The following GGA2 variants were observed in gnomAD, a reference collection of about 807,000 sequenced individuals.
The protein encoded by GGA2 is ADP-ribosylation factor-binding protein GGA2.
GGA2 carries 48 observed loss-of-function variants against 79.5 expected under a neutral mutation model. That is an observed-to-expected ratio of 0.60 (90% confidence interval 0.48 to 0.77). The LOEUF is 0.77. GGA2 is among the 30% of genes least tolerant of loss of function. GGA2 has a pLI of 0.00. For synonymous variants in GGA2, 317 were observed against 302.0 expected, an observed-to-expected ratio of 1.05 and a Z score of -0.51; for missense variants, 770 against 774.0, an observed-to-expected ratio of 0.99 and a Z score of 0.06.
chr16:23,517,222 A>C (rs987628174), intron 2 of GGA2, among the ~76,000 whole-genome samples: 1 of 49,576 alleles, frequency 2.0e-5, no homozygotes, highest in Admixed American at 2.4e-4. Context: ...ATGCCCAGCT[A>C]ATTTTTTTCT....
chr16:23,509,963 G>T (rs974618005), intron 1 of GGA2, among the ~76,000 whole-genome samples: 2 of 151,808 alleles, frequency 1.3e-5, no homozygotes, highest in African/African-American at 2.4e-5. Flanking sequence ...AAGCCAGCTC[G>T]GGGTGGGAAT....
chr16:23,495,583 C>T (rs1964844459), intron 2 of GGA2, 111 bp downstream of exon 2: 4 of 538,814 alleles, frequency 7.4e-6, no homozygotes, highest in Non-Finnish European at 1.3e-5. Context: ...AGGCATGAGC[C>T]ACCGATCCTT....
intron 5 of GGA2, 128 bp downstream of exon 5, chr16:23,491,546 AAAC>A: frequency 3.4e-6 from 2 of 581,738 alleles, no homozygotes; most frequent in South Asian, 3.2e-5. Context: ...AAAAAAAAAA[AAAC>A]TCTACCTCAG....
intron 14 of GGA2, among the ~76,000 whole-genome samples, chr16:23,474,523 A>G (rs1964552202): frequency 6.6e-6 from 1 of 152,038 alleles, no homozygotes; most frequent in Non-Finnish European, 1.5e-5. Context: ...ATGTCCAGCT[A>G]ATGTTTGTAT....
chr16:23,521,744 C>G (rs1447907145), intron 1 of GGA2: 5 of 455,828 alleles, frequency 1.1e-5, no homozygotes, highest in Non-Finnish European at 2.2e-5. Context: ...TGTAGATATA[C>G]CAGAATCGAC....
At position 23,501,297 on chromosome 16, in the gene GGA2, T is replaced by C. The variant is rs1223686544; in HGVS notation, c.92-5519A>G. The C allele has an allele frequency of 6.6e-6, 3 of 456,728 alleles. No homozygotes were observed. In the East Asian group the frequency reaches 2.1e-4, roughly 32 times the overall value. The allele number at this position is 456,728 out of a possible 1,614,324, so 28.3% of individuals were successfully genotyped here. Reference sequence around the variant, plus strand: ...TGTCCTACTAATTGGAAAAAGATTGTCCTTGGAGCCATGCTTCTTGCCTCC... The same window carrying C: ...TGTCCTACTAATTGGAAAAAGATTGCCCTTGGAGCCATGCTTCTTGCCTCC... On this transcript the variant is annotated intron_variant, in intron 1 of 16. Coordinates refer to ENST00000309859, the MANE Select transcript of GGA2 (RefSeq NM_015044.4).
upstream of GGA2, among the ~76,000 whole-genome samples, chr16:23,515,270 G>A (rs975963297): frequency 6.6e-6 from 1 of 151,592 alleles, no homozygotes; most frequent in Non-Finnish European, 1.5e-5. Context: ...ATCAGCCTGG[G>A]CAACATAATG....
intron 11 of GGA2, 68 bp from the exon 12 acceptor site, chr16:23,478,979 C>A (rs1401656731): frequency 9.6e-7 from 1 of 1,043,394 alleles, no homozygotes; most frequent in Non-Finnish European, 1.5e-6. Context: ...AGAGTAATGC[C>A]ACACCCATCC....
chr16:23,492,618 CT>C, intron 4 of GGA2, among the ~76,000 whole-genome samples: 1 of 152,272 alleles, frequency 6.6e-6, no homozygotes, highest in Non-Finnish European at 1.5e-5. Flanking sequence ...CCACCAAGAC[CT>C]TGCCTATGTA....
At chr16:23,510,229 G>A in intron 1 of GGA2, 92 bp downstream of exon 1, 1 of 812,916 alleles carries the variant, frequency 1.2e-6, no homozygotes, top group Non-Finnish European at 1.7e-6. Context: ...CTCCCCTGCG[G>A]CCGCCCGCCC....
chr16:23,480,457 C>T (rs1964632628), intron 10 of GGA2, 188 bp downstream of exon 10: 5 of 534,490 alleles, frequency 9.4e-6, no homozygotes, highest in South Asian at 3.0e-5. Flanking sequence ...GGGTCCAGCC[C>T]GGCAACCAGC....
chr16:23,484,343 G>A (rs771498767), intron 8 of GGA2, among the ~76,000 whole-genome samples: 3 of 152,052 alleles, frequency 2.0e-5, no homozygotes, highest in African/African-American at 7.2e-5. Context: ...GCTCGAACCC[G>A]GGAGGCAGAA....
intron 1 of GGA2, among the ~76,000 whole-genome samples, chr16:23,509,525 G>C (rs1326284747): frequency 6.6e-6 from 1 of 152,130 alleles, no homozygotes; most frequent in African/African-American, 2.4e-5. Context: ...CCTGTGTTAT[G>C]CATCTCAGTG....
intron 14 of GGA2, among the ~76,000 whole-genome samples, chr16:23,472,200 T>G (rs1477291175): frequency 2.1e-5 from 3 of 143,028 alleles, no homozygotes; most frequent in Non-Finnish European, 4.6e-5. Context: ...TTTTTTTTTT[T>G]TTTTTTTTTT....
At chr16:23,493,516 T>A (rs781185289) in intron 3 of GGA2, 58 bp from the exon 4 acceptor site, 3 of 1,094,242 alleles carry the variant, frequency 2.7e-6, no homozygotes, top group Non-Finnish European at 4.2e-6. Context: ...CAGGCTCCCC[T>A]CCAGGCTGGT....
chr16:23,507,582 C>T (rs1465986802), intron 1 of GGA2, among the ~76,000 whole-genome samples: 3 of 145,798 alleles, frequency 2.1e-5, no homozygotes, highest in South Asian at 2.2e-4. Context: ...GAGCTGAGAT[C>T]GTGCCACTGT....
chr16:23,473,813 G>A (rs1338510219), intron 14 of GGA2, among the ~76,000 whole-genome samples: 3 of 152,092 alleles, frequency 2.0e-5, no homozygotes, highest in Admixed American at 2.0e-4. Context: ...TACAGTTATT[G>A]AATTCAGAAA....
chr16:23,473,418 C>T (rs1964539882), intron 14 of GGA2, among the ~76,000 whole-genome samples: 1 of 136,374 alleles, frequency 7.3e-6, no homozygotes, highest in South Asian at 2.5e-4. Flanking sequence ...CTCACTGCAA[C>T]TTCTGCCATC....
rs747694452 is a variant in GGA2 at position 23,486,023 on chromosome 16, C to T, written c.790G>A (p.Ala264Thr). 1 of 1,613,950 alleles carries T rather than the reference C, an allele frequency of 6.2e-7. No individual in the cohort carries two copies. The highest frequency in any genetic ancestry group is 8.5e-7 in the Non-Finnish European group (1 of 1,179,908). ...RPGQAPPDQE[A>T]LQVVYERCEK... Reference sequence around the variant, plus strand: ...TGTTACACCTGTATTACCTGCAGGGCCTCCTGGTCGGGCGGGGCCTGCCCT... The same window carrying T: ...TGTTACACCTGTATTACCTGCAGGGTCTCCTGGTCGGGCGGGGCCTGCCCT... The change falls in exon 8 of 17, where the codon GCC (alanine) becomes ACC (threonine). Residue 264 changes from alanine to threonine, a missense_variant. Ala to Thr is a moderately conservative substitution (Grantham distance 58). Transcript: ENST00000309859.
Sources: gnomAD v4.1 joint callset for allele counts (sites outside exome capture counted in the v4.1 genomes callset) on GRCh38, gnomAD v4.1.1 for gene constraint, MANE v1.5 for transcripts, NCBI Gene and HGNC (gene_info 2026-07-23, HGNC 2026-07-21) for gene names.